Variants in FAM171A1 observed in about 807,000 individuals in gnomAD.
FAM171A1 encodes protein FAM171A1.
FAM171A1 carries 23 observed loss-of-function variants against 74.9 expected under a neutral mutation model. The ratio of observed to expected loss-of-function variants is 0.31; its 90% CI spans 0.22 to 0.44. FAM171A1 has a LOEUF of 0.44. Ranked by LOEUF, FAM171A1 falls within the 20% of genes least tolerant of loss-of-function variation. The probability of loss-of-function intolerance (pLI) is 1.00; values close to 1 mark genes in which losing one functional copy is unlikely to be tolerated. For missense variants in FAM171A1, 1,162 were observed against 1,159.2 expected (o/e 1.00, Z -0.03); for synonymous variants, 527 against 505.7 (o/e 1.04, Z -0.57).
At chr10:15,299,422 CTG>C (rs1835201489) in intron 1 of FAM171A1, among the ~76,000 whole-genome samples, 2 of 152,194 alleles carry the variant, frequency 1.3e-5, no homozygotes, top group Admixed American at 6.5e-5. Flanking sequence ...GGGAAAGATT[CTG>C]TGTGTCTTGG....
Position 15,329,744 on chromosome 10 carries a change from A to G in FAM171A1, c.97+41212T>C, listed in dbSNP as rs1835604444. 2.0e-5 allele frequency among the ~76,000 whole-genome samples: 3 copies of G among 152,172 alleles called. No individual in the cohort carries two copies. In the South Asian group the frequency reaches 6.2e-4, roughly 31 times the overall value. On this transcript the variant is annotated intron_variant, in intron 1 of 7. Coordinates refer to ENST00000378116, the MANE Select transcript of FAM171A1 (RefSeq NM_001010924.2). ...TAAGAAGCTACGGGAAGTCATTTTCAGATCACAAGGGGAGTCTGCCTTAGA... is the reference window on the plus strand; with the variant it reads ...TAAGAAGCTACGGGAAGTCATTTTCGGATCACAAGGGGAGTCTGCCTTAGA...
rs1003711351 is a variant in FAM171A1, at chr10:15,296,592, C to T, written c.98-12487G>A. ...ACTGTGCAGGCATACTTCAGAGAGA[C>T]GAATACGCTGGGCACTAGAACCCCC... On this transcript the variant is annotated intron_variant, in intron 1 of 7. Transcript: ENST00000378116. Among the ~76,000 whole-genome samples, 7 of 152,314 alleles carry T rather than the reference C, an allele frequency of 4.6e-5. No individual in the cohort carries two copies. The South Asian group carries it at 1.0e-3, about 23-fold the overall frequency.
intron 7 of FAM171A1, among the ~76,000 whole-genome samples, chr10:15,215,554 C>T (rs953770228): frequency 2.6e-5 from 4 of 152,068 alleles, no homozygotes; most frequent in East Asian, 1.9e-4. Context: ...TTGGTAGAAA[C>T]GGAGTTTCAC....
At chr10:15,369,118 A>G (rs887938265) in intron 1 of FAM171A1, among the ~76,000 whole-genome samples, 3 of 151,904 alleles carry the variant, frequency 2.0e-5, no homozygotes, top group African/African-American at 4.8e-5. Context: ...TTTCCCTCCC[A>G]TTTCGCATAA....
At chr10:15,329,054 C>T (rs1217701426) in intron 1 of FAM171A1, among the ~76,000 whole-genome samples, 1 of 152,206 alleles carries the variant, frequency 6.6e-6, no homozygotes, top group Non-Finnish European at 1.5e-5. Context: ...TGGGTCACTG[C>T]TGCTGACACG....
intron 6 of FAM171A1, among the ~76,000 whole-genome samples, chr10:15,217,516 A>G (rs1392980085): frequency 6.6e-6 from 1 of 152,258 alleles, no homozygotes; most frequent in Non-Finnish European, 1.5e-5. Context: ...ACTTAAATTC[A>G]CAAGAAACAC....
rs1444998079 is a variant in FAM171A1 at position 15,248,707 on chromosome 10, G to A, written c.686C>T (p.Pro229Leu). ...LVDGPIYVTV[P>L]LATQSSLRHN... ...CCTCAGGCTGCTCTGCGTGGCCAGG[G>A]GCACAGTGACATAGATGGGACCATC... Residue 229 changes from proline to leucine, a missense_variant, in exon 5 of 8, where the codon CCC becomes CTC. Physicochemically the swap from Pro to Leu is moderately conservative, Grantham distance 98. Transcript: ENST00000378116. 1 of 1,613,268 alleles carries A rather than the reference G, an allele frequency of 6.2e-7. No homozygotes were observed. The highest frequency in any genetic ancestry group is 8.5e-7 in the Non-Finnish European group (1 of 1,179,604).
intron 5 of FAM171A1, among the ~76,000 whole-genome samples, chr10:15,238,294 G>C (rs1423198399): frequency 1.3e-5 from 2 of 152,042 alleles, no homozygotes; most frequent in African/African-American, 4.8e-5. Context: ...GCAGATTTAG[G>C]TTCGCGGCAA....
At chr10:15,342,695 C>A (rs959719288) in intron 1 of FAM171A1, among the ~76,000 whole-genome samples, 3 of 152,160 alleles carry the variant, frequency 2.0e-5, no homozygotes, top group African/African-American at 7.2e-5. Context: ...GTCACCACCA[C>A]CAAAGTTACA....
At chr10:15,334,067 C>T (rs933089841) in intron 1 of FAM171A1, among the ~76,000 whole-genome samples, 4 of 152,140 alleles carry the variant, frequency 2.6e-5, no homozygotes, top group Non-Finnish European at 4.4e-5. Flanking sequence ...GACTCTCCAG[C>T]GTATTCCCAG....
At chr10:15,219,314 A>T (rs1229360354) in intron 6 of FAM171A1, among the ~76,000 whole-genome samples, 1 of 152,020 alleles carries the variant, frequency 6.6e-6, no homozygotes, top group Non-Finnish European at 1.5e-5. Context: ...CAACAACAAA[A>T]CCAAAACACA....
Position 15,347,009 on chromosome 10 carries a change from T to C in FAM171A1, c.97+23947A>G, listed in dbSNP as rs140781418. On this transcript the variant is annotated intron_variant, in intron 1 of 7. Transcript: ENST00000378116. ...TGGTGCAAAAAACACGGCTTTTTGC[T>C]ACGTCAACTGTAGTAAAAGAGATCT... Among the ~76,000 whole-genome samples, 294 of 152,326 alleles carry C rather than the reference T, an allele frequency of 1.9e-3. 1 individual carries two copies. The highest frequency in any genetic ancestry group is 6.1e-3 in the African/African-American group (252 of 41,568).
rs1361707581 is a variant in FAM171A1, at chr10:15,220,954, A to G, written c.861T>C (p.Pro287=). 6.2e-7 allele frequency: 1 copy of G among 1,612,774 alleles called. No homozygotes were observed. The highest frequency in any genetic ancestry group is 8.5e-7 in the Non-Finnish European group (1 of 1,179,264). The change falls in exon 6 of 8, where the codon CCT becomes CCC. Residue 287 remains proline, a synonymous_variant. Coordinates refer to ENST00000378116, the MANE Select transcript of FAM171A1 (RefSeq NM_001010924.2). ...TTGGCTCCGTGTTACCTGGGATGGG[A>G]GGGGACATGGCGGCCACCCAGTACC... ...QLGYWVAAMS[P]PIPGPVVTQD... is the part of the protein sequence containing the mutation.
chr10:15,271,296 T>A (rs1834821751), intron 3 of FAM171A1, among the ~76,000 whole-genome samples: 1 of 151,966 alleles, frequency 6.6e-6, no homozygotes, highest in Non-Finnish European at 1.5e-5. Context: ...CGACTGAAGA[T>A]CAAATGAATG....
intron 1 of FAM171A1, among the ~76,000 whole-genome samples, chr10:15,301,362 A>ATAT (rs575709720): frequency 1.1e-3 from 160 of 141,554 alleles, no homozygotes; most frequent in Admixed American, 1.4e-3. Flanking sequence ...ATATATATAT[A>ATAT]TTTTTTTTTT....
intron 1 of FAM171A1, among the ~76,000 whole-genome samples, chr10:15,348,976 C>T (rs549840800): frequency 6.6e-6 from 1 of 152,310 alleles, no homozygotes; most frequent in East Asian, 1.9e-4. Context: ...AGTCTGACTT[C>T]ATGCTACCAT....
chr10:15,308,430 A>G (rs1835322165), intron 1 of FAM171A1, among the ~76,000 whole-genome samples: 1 of 152,200 alleles, frequency 6.6e-6, no homozygotes, highest in Admixed American at 6.5e-5. Context: ...AAGATACCGA[A>G]CAGCTCGGAC....
At chr10:15,371,964 A>G (rs1836155276), upstream of FAM171A1, among the ~76,000 whole-genome samples, 1 of 152,174 alleles carries the variant, frequency 6.6e-6, no homozygotes, top group Admixed American at 6.5e-5. Context: ...ACCGAGGACC[A>G]GGGTGGGATG....
At chr10:15,214,745 C>T (rs1833946202) in intron 7 of FAM171A1, 144 bp from the exon 8 acceptor site, 1 of 1,097,072 alleles carries the variant, frequency 9.1e-7, no homozygotes, top group Non-Finnish European at 1.2e-6. Flanking sequence ...AGCCTTCTCA[C>T]CCCACGCCCT....
Sources: gnomAD v4.1 joint callset for allele counts (sites outside exome capture counted in the v4.1 genomes callset) on GRCh38, gnomAD v4.1.1 for gene constraint, MANE v1.5 for transcripts, NCBI Gene and HGNC (gene_info 2026-07-23, HGNC 2026-07-21) for gene names.